RBFOX1: variants seen among roughly 807,000 people sequenced by gnomAD.
The protein encoded by RBFOX1 is RNA binding fox-1 homolog 1.
In RBFOX1, 8 loss-of-function variants were observed where a neutral mutation model predicts 57.7. That is an observed-to-expected ratio of 0.14 (90% CI 0.08 to 0.25). The LOEUF is 0.25. Ranked by LOEUF, RBFOX1 falls within the 10% of genes least tolerant of loss-of-function variation. The probability of loss-of-function intolerance (pLI) is 1.00; values close to 1 mark genes in which losing one functional copy is unlikely to be tolerated. For synonymous variants in RBFOX1, 326 were observed against 222.4 expected (o/e 1.47, Z -4.15); for missense variants, 611 against 548.5 (o/e 1.11, Z -1.14).
At chr16:6,516,723 T>C (rs560276642) in intron 2 of RBFOX1, among the ~76,000 whole-genome samples, 46 of 151,602 alleles carry the variant, frequency 3.0e-4, no homozygotes, top group African/African-American at 1.1e-3. Flanking sequence ...AATGAAAAAA[T>C]GTTGTTTTCT....
intron 3 of RBFOX1, among the ~76,000 whole-genome samples, chr16:5,859,661 G>T (rs533538393): frequency 6.6e-6 from 1 of 152,100 alleles, no homozygotes. Flanking sequence ...GCCTACCATT[G>T]GCCAGCAACC....
intron 4 of RBFOX1, among the ~76,000 whole-genome samples, chr16:7,487,693 A>G (rs1375803460): frequency 6.6e-6 from 1 of 152,122 alleles, no homozygotes; most frequent in Admixed American, 6.6e-5. Flanking sequence ...ACACACACAC[A>G]TGCATTCAAA....
intron 5 of RBFOX1, among the ~76,000 whole-genome samples, chr16:7,534,529 A>G (rs948272760): frequency 6.6e-6 from 1 of 152,110 alleles, no homozygotes; most frequent in African/African-American, 2.4e-5. Context: ...AGCTAGAATA[A>G]CTGATCCCAG....
intron 3 of RBFOX1, among the ~76,000 whole-genome samples, chr16:7,021,005 G>A (rs968067895): frequency 1.3e-5 from 2 of 152,162 alleles, no homozygotes; most frequent in African/African-American, 4.8e-5. Context: ...GCAGGCATCT[G>A]TAATCCCAGC....
chr16:6,551,619 C>T (rs970719654), intron 2 of RBFOX1, among the ~76,000 whole-genome samples: 1 of 152,060 alleles, frequency 6.6e-6, no homozygotes, highest in Non-Finnish European at 1.5e-5. Flanking sequence ...GTGTTAAGAA[C>T]ACTTAAAATA....
At chr16:6,597,613 G>A (rs181503373) in intron 2 of RBFOX1, among the ~76,000 whole-genome samples, 1 of 152,132 alleles carries the variant, frequency 6.6e-6, no homozygotes, top group South Asian at 2.1e-4. Context: ...GTGGAAGATT[G>A]CAGTGAGCTG....
At chr16:5,391,913 A>C (rs1232434574) in intron 1 of RBFOX1, among the ~76,000 whole-genome samples, 2 of 151,374 alleles carry the variant, frequency 1.3e-5, no homozygotes, top group East Asian at 3.9e-4. Flanking sequence ...ACACACGCAC[A>C]CACATATATA....
chr16:6,425,502 G>A (rs971318022), intron 2 of RBFOX1, among the ~76,000 whole-genome samples: 1 of 152,140 alleles, frequency 6.6e-6, no homozygotes, highest in African/African-American at 2.4e-5. Context: ...TGTGTATAAG[G>A]GTCAGTCTTA....
At chr16:7,257,951 A>G (rs1254440033) in intron 4 of RBFOX1, among the ~76,000 whole-genome samples, 4 of 152,220 alleles carry the variant, frequency 2.6e-5, no homozygotes, top group Admixed American at 6.5e-5. Context: ...AAAGGGGGAA[A>G]GAAAGCTGAA....
chr16:7,510,092 G>C (rs965872446), intron 4 of RBFOX1: 13 of 973,410 alleles, frequency 1.3e-5, no homozygotes, highest in Non-Finnish European at 1.6e-5. Flanking sequence ...GGCAGAAAAA[G>C]TGCCATCTGG....
chr16:6,900,432 G>T (rs896612648), intron 3 of RBFOX1, among the ~76,000 whole-genome samples: 3 of 152,132 alleles, frequency 2.0e-5, no homozygotes, highest in African/African-American at 4.8e-5. Flanking sequence ...ACCACTATCT[G>T]CTCTCCCACT....
At chr16:5,626,470 G>C (rs1395195058) in intron 3 of RBFOX1, among the ~76,000 whole-genome samples, 1 of 152,138 alleles carries the variant, frequency 6.6e-6, no homozygotes, top group Admixed American at 6.5e-5. Context: ...CCCTGTCCTT[G>C]ATAGCAGTCA....
At chr16:7,570,008 C>A (rs1005699310) in intron 5 of RBFOX1, among the ~76,000 whole-genome samples, 1 of 152,028 alleles carries the variant, frequency 6.6e-6, no homozygotes, top group South Asian at 2.1e-4. Context: ...CAAGTATTTC[C>A]AATGACAATT....
intron 2 of RBFOX1, among the ~76,000 whole-genome samples, chr16:5,503,181 A>T (rs8059894): frequency 3.3e-5 from 5 of 151,912 alleles, no homozygotes; most frequent in African/African-American, 9.7e-5. Flanking sequence ...GAGAATTAAC[A>T]TCTCTGTGCC....
intron 1 of RBFOX1, chr16:5,467,107 C>G (rs1381827677): frequency 8.0e-7 from 1 of 1,246,192 alleles, no homozygotes; most frequent in Non-Finnish European, 1.1e-6. Context: ...ATGAATAAAA[C>G]ATTCTTTTTT....
At chr16:7,288,984 A>C (rs536145295) in intron 4 of RBFOX1, among the ~76,000 whole-genome samples, 3 of 152,322 alleles carry the variant, frequency 2.0e-5, no homozygotes, top group Middle Eastern at 3.4e-3. Context: ...CAGCCTGCTG[A>C]GAATCTGAGT....
intron 2 of RBFOX1, among the ~76,000 whole-genome samples, chr16:6,342,473 G>A (rs182158906): frequency 1.3e-5 from 2 of 152,092 alleles, no homozygotes; most frequent in African/African-American, 4.8e-5. Context: ...GCACATAACA[G>A]AAACAACCTT....
At chr16:5,583,699 A>C (rs1452724810) in intron 2 of RBFOX1, among the ~76,000 whole-genome samples, 1 of 152,124 alleles carries the variant, frequency 6.6e-6, no homozygotes, top group Non-Finnish European at 1.5e-5. Flanking sequence ...AAGAGCTAAG[A>C]TTTATTGGGC....
chr16:6,966,686 G>A (rs2084244725), intron 3 of RBFOX1, among the ~76,000 whole-genome samples: 1 of 152,180 alleles, frequency 6.6e-6, no homozygotes, highest in Non-Finnish European at 1.5e-5. Flanking sequence ...CTGGGCTGAA[G>A]TGAAGCGAAA....
Sources: gnomAD v4.1 joint callset for allele counts (sites outside exome capture counted in the v4.1 genomes callset) on GRCh38, gnomAD v4.1.1 for gene constraint, MANE v1.5 for transcripts, NCBI Gene and HGNC (gene_info 2026-07-23, HGNC 2026-07-21) for gene names.